Variants in IFNL1 observed in about 807,000 individuals in gnomAD.
The protein encoded by IFNL1 is interferon lambda-1.
In IFNL1, 16 loss-of-function variants were observed where a neutral mutation model predicts 17.1. That is an observed-to-expected ratio of 0.93 (90% CI 0.63 to 1.42). The LOEUF is 1.42. Ranked by LOEUF, IFNL1 falls within the 40% of genes most tolerant of loss-of-function variation. The pLI, the probability that IFNL1 is intolerant of heterozygous loss-of-function variation, is 0.00. For missense variants in IFNL1, 262 were observed against 249.4 expected (o/e 1.05, Z -0.34); for synonymous variants, 104 against 111.4 (o/e 0.93, Z 0.42).
At chr19:39,296,690 C>T in intron 1 of IFNL1, 98 bp downstream of exon 1, 2 of 1,490,980 alleles carry the variant, frequency 1.3e-6, no homozygotes, top group African/African-American at 1.4e-5. Flanking sequence ...TATGGCAAAC[C>T]TCTATCCTTT....
intron 3 of IFNL1, 24 bp from the exon 4 acceptor site, chr19:39,298,189 C>A (rs759509974): frequency 4.0e-5 from 64 of 1,613,728 alleles, no homozygotes; most frequent in Non-Finnish European, 5.4e-5. Context: ...CTCCGCCTCA[C>A]ACACCGCCCT....
At position 39,296,473 on chromosome 19, in the gene IFNL1, G is replaced by A. The variant is rs774444530; in HGVS notation, c.52G>A (p.Val18Met). ...GGTGACTTTGGTGCTAGGCTTGGCCGTGGCAGGCCCTGTCCCCACTTCCAA... is the reference window on the plus strand; with the variant it reads ...GGTGACTTTGGTGCTAGGCTTGGCCATGGCAGGCCCTGTCCCCACTTCCAA... ...VLVTLVLGLA[V>M]AGPVPTSKPT... The change falls in exon 1 of 5, where the codon GTG (valine) becomes ATG (methionine). Residue 18 changes from valine (V) to methionine (M), a missense_variant. Transcript: ENST00000333625. 2.3e-5 allele frequency: 37 copies of A among 1,612,370 alleles called. No individual in the cohort carries two copies. The East Asian group carries it at 4.5e-4, about 19-fold the overall frequency.
chr19:39,297,178 C>T (rs1459952357), intron 2 of IFNL1, among the ~76,000 whole-genome samples: 1 of 152,038 alleles, frequency 6.6e-6, no homozygotes, highest in Non-Finnish European at 1.5e-5. Flanking sequence ...CTGTGCCTTT[C>T]GTCCTGCTCC....
At position 39,296,816 on chromosome 19, in the gene IFNL1, C is replaced by A; in HGVS notation, c.183C>A (p.Leu61=). 1 of 1,613,916 alleles carries A rather than the reference C, an allele frequency of 6.2e-7. No individual in the cohort carries two copies. Among genetic ancestry groups the A allele is most frequent in the Non-Finnish European group, 8.5e-7 (1 of 1,179,808 alleles). Residue 61 remains leucine (L), a synonymous_variant, in exon 2 of 5, where the codon CTC becomes CTA. Coordinates refer to ENST00000333625, the MANE Select transcript of IFNL1 (RefSeq NM_172140.2). ...CCCTTGCTCTCTAGGAAGAGTCACT[C>A]AAGCTGAAAAACTGGAGTTGCAGCT... is the stretch of plus-strand genomic sequence containing the variant. ...KKARDALEES[L]KLKNWSCSSP...
chr19:39,296,902 C>G lies in IFNL1; in HGVS notation c.249+20C>G. The stretch of plus-strand genomic sequence containing the variant: ...CTCCAGGTGAGCTGAAAGTCAGGCC[C>G]CCTTCACCCTTCCCTTGACCCTCTC... On this transcript the variant is annotated intron_variant, in intron 2 of 4. Coordinates refer to ENST00000333625, the MANE Select transcript of IFNL1 (RefSeq NM_172140.2). The G allele has an allele frequency of 6.3e-7, 1 of 1,586,900 alleles. No homozygotes were observed.
chr19:39,298,306 C>G lies in IFNL1; in HGVS notation c.477+10C>G. ...GGAGGCCCCCAAAAAGGTGAGTGAC[C>G]CAGGAAGAGAAGGACCAGGGTCTGG... On this transcript the variant is annotated intron_variant, in intron 4 of 4. Coordinates refer to ENST00000333625, the MANE Select transcript of IFNL1 (RefSeq NM_172140.2). 6.2e-7 allele frequency: 1 copy of G among 1,614,156 alleles called. No homozygotes were observed. The highest frequency in any genetic ancestry group is 8.5e-7 in the Non-Finnish European group (1 of 1,180,006).
At chr19:39,298,349 A>G (rs774266663) in intron 4 of IFNL1, 42 bp from the exon 5 acceptor site, 1 of 1,614,064 alleles carries the variant, frequency 6.2e-7, no homozygotes, top group Non-Finnish European at 8.5e-7. Context: ...ATAGGAGCCC[A>G]GACCCTGGAC....
chr19:39,296,755 C>T (rs1330884105), intron 1 of IFNL1, 50 bp from the exon 2 acceptor site: 6 of 1,552,976 alleles, frequency 3.9e-6, no homozygotes, highest in Non-Finnish European at 5.3e-6. Flanking sequence ...CTGCTATGAG[C>T]TAGCTTCCAG....
chr19:39,298,549 C>A lies in IFNL1; in HGVS notation c.*33C>A. On this transcript the variant is annotated 3_prime_UTR_variant, in exon 5 of 5. Coordinates refer to ENST00000333625, the MANE Select transcript of IFNL1 (RefSeq NM_172140.2). ...CACCTTATTTATGCGCTGAGCCCTA[C>A]TCCTTCCTTAATTTATTTCCTCTCA... The A allele has an allele frequency of 6.2e-7, 1 of 1,610,266 alleles. No individual in the cohort carries two copies. Among genetic ancestry groups the A allele is most frequent in the Non-Finnish European group, 8.5e-7 (1 of 1,177,228 alleles).
rs747286737 is a variant in IFNL1 at position 39,298,324 on chromosome 19, G to C, written c.477+28G>C. The stretch of plus-strand genomic sequence containing the variant: ...GAGTGACCCAGGAAGAGAAGGACCA[G>C]GGTCTGGGGAGCCAATAGGAGCCCA... On this transcript the variant is annotated intron_variant, in intron 4 of 4. Transcript: ENST00000333625. 1.9e-6 allele frequency: 3 copies of C among 1,614,024 alleles called. No homozygotes were observed. The Admixed American group carries it at 5.0e-5, about 27-fold the overall frequency.
intron 2 of IFNL1, among the ~76,000 whole-genome samples, chr19:39,297,310 CTTTTTT>C (rs59725017): frequency 0.021 from 1,972 of 92,950 alleles, 48 homozygotes; most frequent in African/African-American, 0.092. Context: ...CCACCCTTCT[CTTTTTT>C]TTTTTTTTTT....
chr19:39,296,769 T>C (rs770761062), intron 1 of IFNL1, 36 bp from the exon 2 acceptor site: 1 of 1,587,460 alleles, frequency 6.3e-7, no homozygotes, highest in African/African-American at 1.3e-5. Flanking sequence ...CTTCCAGCCA[T>C]CCTGCTGTGG....
At chr19:39,297,850 T>A in intron 2 of IFNL1, 114 bp from the exon 3 acceptor site, 33 of 1,256,098 alleles carry the variant, frequency 2.6e-5, no homozygotes, top group Middle Eastern at 5.3e-4. Context: ...ACCCCTCACC[T>A]GTCCCCACCA....
At chr19:39,297,740 T>C (rs2075104390) in intron 2 of IFNL1, among the ~76,000 whole-genome samples, 1 of 143,570 alleles carries the variant, frequency 7.0e-6, no homozygotes, top group Non-Finnish European at 1.5e-5. Flanking sequence ...TCCCCTTTCA[T>C]TTGTCTCCAT....
rs200676511 is a variant in IFNL1, at chr19:39,298,007, C to T, written c.293C>T (p.Thr98Met). 16 of 1,614,084 alleles carry T rather than the reference C, an allele frequency of 9.9e-6. No individual in the cohort carries two copies. Among genetic ancestry groups the T allele is most frequent in the African/African-American group, 8.0e-5 (6 of 74,934 alleles). Residue 98 changes from threonine (T) to methionine (M), a missense_variant, in exon 3 of 5, where the codon ACG (threonine) becomes ATG (methionine). Coordinates refer to ENST00000333625, the MANE Select transcript of IFNL1 (RefSeq NM_172140.2). ...PVALEAELAL[T>M]LKVLEAAAGP... ...GCCTTGGAGGCTGAGCTGGCCCTGACGCTGAAGGTCCTGGAGGCCGCTGCT... is the reference window on the plus strand; with the variant it reads ...GCCTTGGAGGCTGAGCTGGCCCTGATGCTGAAGGTCCTGGAGGCCGCTGCT...
chr19:39,297,937 C>T (rs778524827), intron 2 of IFNL1, 27 bp from the exon 3 acceptor site: 1 of 1,613,680 alleles, frequency 6.2e-7, no homozygotes, highest in African/African-American at 1.3e-5. Flanking sequence ...TGTTCTCCCT[C>T]ACCTGCTCTT....
chr19:39,296,826 A>C lies in IFNL1; in HGVS notation c.193A>C (p.Asn65His). ...CTAGGAAGAGTCACTCAAGCTGAAA[A>C]ACTGGAGTTGCAGCTCTCCTGTCTT... Reference protein sequence around the residue: ...DALEESLKLKNWSCSSPVFPG... With the variant: ...DALEESLKLKHWSCSSPVFPG... The change falls in exon 2 of 5, where the codon AAC (asparagine) becomes CAC (histidine). Residue 65 changes from asparagine to histidine, a missense_variant. By Grantham distance (68) the Asn-to-His change is moderately conservative. Coordinates refer to ENST00000333625, the MANE Select transcript of IFNL1 (RefSeq NM_172140.2). 1 of 1,613,722 alleles carries C rather than the reference A, an allele frequency of 6.2e-7. No individual in the cohort carries two copies. Among genetic ancestry groups the C allele is most frequent in the Non-Finnish European group, 8.5e-7 (1 of 1,179,678 alleles).
Position 39,298,018 on chromosome 19 carries a change from C to A in IFNL1, c.304C>A (p.Leu102Met). 1 of 1,614,202 alleles carries A rather than the reference C, an allele frequency of 6.2e-7. No homozygotes were observed. The highest frequency in any genetic ancestry group is 8.5e-7 in the Non-Finnish European group (1 of 1,180,034). The change falls in exon 3 of 5, where the codon CTG (leucine) becomes ATG (methionine). Residue 102 changes from leucine to methionine, a missense_variant. Transcript: ENST00000333625. ...TGAGCTGGCCCTGACGCTGAAGGTC[C>A]TGGAGGCCGCTGCTGGCCCAGCCCT... Reference protein sequence around the residue: ...EAELALTLKVLEAAAGPALED... With the variant: ...EAELALTLKVMEAAAGPALED...
chr19:39,296,838 A>C lies in IFNL1; in HGVS notation c.205A>C (p.Ser69Arg). 1 of 1,614,102 alleles carries C rather than the reference A, an allele frequency of 6.2e-7. No homozygotes were observed. Among genetic ancestry groups the C allele is most frequent in the Non-Finnish European group, 8.5e-7 (1 of 1,179,976 alleles). ...ACTCAAGCTGAAAAACTGGAGTTGC[A>C]GCTCTCCTGTCTTCCCCGGGAATTG... ...ESLKLKNWSC[S>R]SPVFPGNWDL... Residue 69 changes from serine to arginine, a missense_variant, in exon 2 of 5, where the codon AGC becomes CGC. Transcript: ENST00000333625.
Sources: allele counts gnomAD v4.1 joint callset (sites outside exome capture counted in the v4.1 genomes callset), GRCh38; gene constraint gnomAD v4.1.1; transcripts MANE v1.5; gene names NCBI Gene and HGNC (gene_info 2026-07-23, HGNC 2026-07-21).